The following GRIK2 variants were observed in gnomAD, a reference collection of about 807,000 sequenced individuals.
The protein encoded by GRIK2 is glutamate receptor ionotropic, kainate 2.
Under a neutral mutation model 100.3 loss-of-function variants are expected in GRIK2, and 32 were observed. The observed-to-expected ratio is 0.32, with a 90% CI of 0.24 to 0.43. The LOEUF is 0.43. Ranked by LOEUF, GRIK2 falls within the 20% of genes least tolerant of loss-of-function variation. The probability of loss-of-function intolerance (pLI) is 1.00; values close to 1 mark genes in which losing one functional copy is unlikely to be tolerated. For missense variants in GRIK2, 843 were observed against 1,114.9 expected (o/e 0.76, Z 3.47); for synonymous variants, 417 against 389.4 (o/e 1.07, Z -0.83).
intron 12 of GRIK2, among the ~76,000 whole-genome samples, chr6:101,910,980 A>G (rs1475919): frequency 0.81 from 122,684 of 151,242 alleles, 49,919 homozygotes; most frequent in East Asian, 0.94. Flanking sequence ...TACTTCACAT[A>G]TATGTATAGT....
At chr6:101,433,195 C>T (rs1434299753) in intron 2 of GRIK2, among the ~76,000 whole-genome samples, 1 of 152,102 alleles carries the variant, frequency 6.6e-6, no homozygotes, top group Non-Finnish European at 1.5e-5. Context: ...GAATCATAGA[C>T]ACGAAAAAGT....
At chr6:101,909,386 T>TTTTTTTG (rs1788494223) in intron 12 of GRIK2, among the ~76,000 whole-genome samples, 1 of 138,748 alleles carries the variant, frequency 7.2e-6, no homozygotes, top group Non-Finnish European at 1.5e-5. Context: ...CTTTTTCTTT[T>TTTTTTTG]TTTTTTTTTT....
chr6:101,965,917 TTATAATC>T (rs1202988091), intron 14 of GRIK2, among the ~76,000 whole-genome samples: 2 of 152,170 alleles, frequency 1.3e-5, no homozygotes, highest in Non-Finnish European at 2.9e-5. Flanking sequence ...TAAAGGTAGT[TTATAATC>T]TATTATTCTT....
At chr6:101,419,213 G>A (rs1031061955) in intron 2 of GRIK2, among the ~76,000 whole-genome samples, 21 of 152,088 alleles carry the variant, frequency 1.4e-4, no homozygotes, top group Non-Finnish European at 4.4e-5. Context: ...TCTCCCCATG[G>A]ATGTAGGACC....
At chr6:101,915,724 T>C (rs1789059011) in intron 12 of GRIK2, among the ~76,000 whole-genome samples, 1 of 151,396 alleles carries the variant, frequency 6.6e-6, no homozygotes, top group African/African-American at 2.4e-5. Flanking sequence ...TCCCCAAAGT[T>C]ACATGACATT....
At chr6:101,662,405 G>A (rs1769696636) in intron 4 of GRIK2, among the ~76,000 whole-genome samples, 1 of 152,154 alleles carries the variant, frequency 6.6e-6, no homozygotes, top group Non-Finnish European at 1.5e-5. Context: ...TCAAGAAACT[G>A]CCTAGATTTT....
At position 101,483,522 on chromosome 6, in the gene GRIK2, A is replaced by T. The variant is rs146945976; in HGVS notation, c.115+84130A>T. ...CCGTTAAAACTTATCTAACTGAAAA[A>T]TTTTTTTAACTGTTTCTTCTATTTC... On this transcript the variant is annotated intron_variant, in intron 2 of 16. Coordinates refer to ENST00000369134, the MANE Select transcript of GRIK2 (RefSeq NM_021956.5). Among the ~76,000 whole-genome samples the T allele has an allele frequency of 5.0e-3, 761 of 152,142 alleles. 9 individuals are homozygous for T. Among genetic ancestry groups the T allele is most frequent in the African/African-American group, 0.017 (697 of 41,550 alleles).
intron 2 of GRIK2, among the ~76,000 whole-genome samples, chr6:101,444,109 G>A (rs899733449): frequency 2.4e-4 from 36 of 151,318 alleles, no homozygotes; most frequent in African/African-American, 8.5e-4. Context: ...TTTTGAGACG[G>A]GGTCTTGCTC....
intron 7 of GRIK2, among the ~76,000 whole-genome samples, chr6:101,702,496 A>G (rs1288329757): frequency 2.0e-5 from 3 of 151,996 alleles, no homozygotes; most frequent in East Asian, 1.9e-4. Flanking sequence ...GCCCTTGTAC[A>G]TATTTCATTA....
intron 7 of GRIK2, among the ~76,000 whole-genome samples, chr6:101,717,410 T>C (rs1459771722): frequency 6.6e-6 from 1 of 151,856 alleles, no homozygotes; most frequent in Non-Finnish European, 1.5e-5. Context: ...AATATATTTA[T>C]CAAAAATGGA....
At chr6:101,964,348 T>C (rs1179773171) in intron 14 of GRIK2, among the ~76,000 whole-genome samples, 2 of 152,062 alleles carry the variant, frequency 1.3e-5, no homozygotes, top group Non-Finnish European at 2.9e-5. Context: ...GAGAGGAGGT[T>C]TGTGAAGGTC....
At position 101,626,538 on chromosome 6, in the gene GRIK2, A is replaced by G; in HGVS notation, c.442A>G (p.Ser148Gly). 6.2e-7 allele frequency: 1 copy of G among 1,613,882 alleles called. No homozygotes were observed. Among genetic ancestry groups the G allele is most frequent in the Non-Finnish European group, 8.5e-7 (1 of 1,179,786 alleles). Residue 148 changes from serine to glycine, a missense_variant, in exon 4 of 17, where the codon AGT (serine) becomes GGT (glycine). Ser to Gly is a moderately conservative substitution (Grantham distance 56, BLOSUM62 0). Coordinates refer to ENST00000369134, the MANE Select transcript of GRIK2 (RefSeq NM_021956.5). ...VSDNKDSFYV[S>G]LYPDFSSLSR... ...AGACAACAAAGATTCCTTCTATGTC[A>G]GTCTCTACCCAGACTTCTCTTCACT... is the stretch of plus-strand genomic sequence containing the variant.
chr6:101,760,574 T>TTAATTATATATAATTATATA (rs1199595461), intron 7 of GRIK2, among the ~76,000 whole-genome samples: 2 of 83,364 alleles, frequency 2.4e-5, no homozygotes, highest in Admixed American at 1.8e-4. Flanking sequence ...TTATATTTAA[T>TTAATTATATATAATTATATA]TAATTATATA....
At chr6:101,461,511 C>T (rs561571936) in intron 2 of GRIK2, among the ~76,000 whole-genome samples, 19 of 152,274 alleles carry the variant, frequency 1.2e-4, no homozygotes, top group African/African-American at 2.4e-4. Context: ...GTCTAGTTCT[C>T]GCATTGCATT....
chr6:101,500,927 A>T (rs898129290), intron 2 of GRIK2, among the ~76,000 whole-genome samples: 1 of 130,208 alleles, frequency 7.7e-6, no homozygotes, highest in Non-Finnish European at 1.6e-5. Context: ...GCTTGATGCT[A>T]TTTATTATTA....
At chr6:101,888,952 ACATATTT>A (rs1200992122) in intron 11 of GRIK2, among the ~76,000 whole-genome samples, 1 of 152,134 alleles carries the variant, frequency 6.6e-6, no homozygotes, top group Non-Finnish European at 1.5e-5. Flanking sequence ...TACTAATTCA[ACATATTT>A]AAGCTACTGT....
At chr6:102,017,128 A>C (rs1234779552) in intron 14 of GRIK2, among the ~76,000 whole-genome samples, 1 of 152,208 alleles carries the variant, frequency 6.6e-6, no homozygotes, top group Non-Finnish European at 1.5e-5. Context: ...CGAAAGAAGC[A>C]CTAAATATGG....
chr6:101,428,182 G>A (rs1769157219), intron 2 of GRIK2, among the ~76,000 whole-genome samples: 1 of 152,090 alleles, frequency 6.6e-6, no homozygotes, highest in African/African-American at 2.4e-5. Flanking sequence ...TATGAAACAC[G>A]TTAAAAATAA....
At chr6:101,414,278 C>T (rs1776009816) in intron 2 of GRIK2, among the ~76,000 whole-genome samples, 2 of 152,194 alleles carry the variant, frequency 1.3e-5, no homozygotes, top group South Asian at 4.1e-4. Context: ...AATGACCATG[C>T]ATTTGTGCTC....
Sources: gnomAD v4.1 joint callset for allele counts (sites outside exome capture counted in the v4.1 genomes callset) on GRCh38, gnomAD v4.1.1 for gene constraint, MANE v1.5 for transcripts, NCBI Gene and HGNC (gene_info 2026-07-23, HGNC 2026-07-21) for gene names.